HNF4G: variants seen among roughly 807,000 people sequenced by gnomAD.
HNF4G encodes hepatocyte nuclear factor 4 gamma, also known as hepatocyte nuclear factor 4-gamma.
Under a neutral mutation model 50.9 loss-of-function variants are expected in HNF4G, and 21 were observed. The observed-to-expected ratio is 0.41, with a 90% CI of 0.29 to 0.59. The LOEUF is 0.59. Ranked by LOEUF, HNF4G falls within the 20% of genes least tolerant of loss-of-function variation. The pLI, the probability that HNF4G is intolerant of heterozygous loss-of-function variation, is 0.26. For synonymous variants in HNF4G, 198 were observed against 185.6 expected, an observed-to-expected ratio of 1.07 and a Z score of -0.54; for missense variants, 527 against 559.4, an observed-to-expected ratio of 0.94 and a Z score of 0.58.
intron 1 of HNF4G, among the ~76,000 whole-genome samples, chr8:75,412,668 G>A (rs993009670): frequency 6.6e-6 from 1 of 151,902 alleles, no homozygotes; most frequent in African/African-American, 2.4e-5. Context: ...GCACTGTCTT[G>A]TGCTTTGCTT....
intron 1 of HNF4G, among the ~76,000 whole-genome samples, chr8:75,482,498 C>T (rs1434533420): frequency 6.6e-6 from 1 of 152,108 alleles, no homozygotes; most frequent in Non-Finnish European, 1.5e-5. Context: ...TCCCGAGTAG[C>T]TGGGACTACA....
At chr8:75,518,019 G>T (rs1053974291) in intron 2 of HNF4G, among the ~76,000 whole-genome samples, 1 of 151,298 alleles carries the variant, frequency 6.6e-6, no homozygotes. Context: ...TTAAGTTTTA[G>T]GGTACATGTG....
rs1807204385 is a variant in HNF4G at position 75,558,606 on chromosome 8, T to G, written c.822T>G (p.Phe274Leu). 6.2e-7 allele frequency: 1 copy of G among 1,613,934 alleles called. No individual in the cohort carries two copies. The highest frequency in any genetic ancestry group is 1.7e-5 in the Admixed American group (1 of 60,000). ...TTCTAGATGAGCTGGTTAGACCATT[T>G]CAAGAAATCCAGATTGATGACAATG... ...NRVLDELVRP[F>L]QEIQIDDNEY... Residue 274 changes from phenylalanine to leucine, a missense_variant, in exon 7 of 10, where the codon TTT (phenylalanine) becomes TTG (leucine). By Grantham distance (22) the Phe-to-Leu change is conservative. Around this residue, in one of 5 missense-constraint regions of HNF4G, gnomAD observed 308 missense variants for 301.5 expected, o/e 1.02. Coordinates refer to ENST00000396423, the MANE Select transcript of HNF4G (RefSeq NM_004133.5).
chr8:75,478,632 G>A (rs1334629102), intron 1 of HNF4G, among the ~76,000 whole-genome samples: 1 of 152,154 alleles, frequency 6.6e-6, no homozygotes, highest in African/African-American at 2.4e-5. Flanking sequence ...TTTGTCAAGC[G>A]GTATGTATTC....
chr8:75,553,340 T>C, intron 5 of HNF4G, 143 bp downstream of exon 5: 1 of 670,274 alleles, frequency 1.5e-6, no homozygotes, highest in Non-Finnish European at 2.4e-6. Flanking sequence ...TTGGGTTTCC[T>C]TACCCATTCA....
intron 1 of HNF4G, among the ~76,000 whole-genome samples, chr8:75,437,376 G>C (rs1232666023): frequency 6.6e-6 from 1 of 152,144 alleles, no homozygotes; most frequent in Non-Finnish European, 1.5e-5. Flanking sequence ...ACAGGAACTG[G>C]CATACACTTT....
intron 1 of HNF4G, among the ~76,000 whole-genome samples, chr8:75,483,783 A>T (rs765142337): frequency 1.3e-5 from 2 of 152,196 alleles, no homozygotes; most frequent in African/African-American, 2.4e-5. Context: ...AAAATTTATT[A>T]TAATAACACT....
Position 75,564,145 on chromosome 8 carries a change from A to T in HNF4G, c.*49A>T, listed in dbSNP as rs1807397234. 6.3e-7 allele frequency: 1 copy of T among 1,596,622 alleles called. No individual in the cohort carries two copies. The highest frequency in any genetic ancestry group is 8.6e-7 in the Non-Finnish European group (1 of 1,168,362). The stretch of plus-strand genomic sequence containing the variant: ...ACTACATAAATGTGAAAAGTTGTTG[A>T]TCTTGAAATATCTCAGGATAGCACT... On this transcript the variant is annotated 3_prime_UTR_variant, in exon 10 of 10. Coordinates refer to ENST00000396423, the MANE Select transcript of HNF4G (RefSeq NM_004133.5).
At chr8:75,559,380 T>A (rs1254360534) in intron 8 of HNF4G, among the ~76,000 whole-genome samples, 1 of 152,002 alleles carries the variant, frequency 6.6e-6, no homozygotes, top group Non-Finnish European at 1.5e-5. Flanking sequence ...TTCAAGTGAT[T>A]CTCCTGCTTC....
At chr8:75,448,487 T>TAA (rs36100694) in intron 1 of HNF4G, among the ~76,000 whole-genome samples, 90 of 105,850 alleles carry the variant, frequency 8.5e-4, no homozygotes, top group Admixed American at 1.2e-3. Context: ...AAGACCTCTT[T>TAA]AAAAAAAAAA....
intron 1 of HNF4G, among the ~76,000 whole-genome samples, chr8:75,543,437 T>C (rs180955376): frequency 1.3e-5 from 2 of 152,318 alleles, no homozygotes; most frequent in East Asian, 1.9e-4. Flanking sequence ...TCTGATTAGA[T>C]TTCACAATGA....
In HNF4G at chr8:75,467,860, A is replaced by G. The variant is rs554644577; in HGVS notation, c.-143-22229A>G. On this transcript the variant is annotated intron_variant, in intron 1 of 10. Coordinates refer to the HNF4G transcript ENST00000354370. ...AGAATCCAGAGTCCTAATCTGGACC[A>G]TGGAAACTGAGTTGCTAGGACGGAC... Among the ~76,000 whole-genome samples, 5 of 152,240 alleles carry G rather than the reference A, an allele frequency of 3.3e-5. No individual in the cohort carries two copies. In the East Asian group the frequency reaches 9.7e-4, roughly 29 times the overall value.
At chr8:75,555,400 G>A (rs1028108312) in intron 5 of HNF4G, among the ~76,000 whole-genome samples, 1 of 152,166 alleles carries the variant, frequency 6.6e-6, no homozygotes, top group Non-Finnish European at 1.5e-5. Flanking sequence ...TACGAATGAA[G>A]CTCAGTTGAG....
chr8:75,528,651 A>T (rs1025242199), intron 2 of HNF4G, among the ~76,000 whole-genome samples: 1 of 152,186 alleles, frequency 6.6e-6, no homozygotes, highest in African/African-American at 2.4e-5. Flanking sequence ...GATGTCATAG[A>T]ATGAGTTCAG....
chr8:75,412,160 G>A (rs4320527), intron 1 of HNF4G, among the ~76,000 whole-genome samples: 95 of 152,334 alleles, frequency 6.2e-4, no homozygotes, highest in Admixed American at 4.8e-3. Context: ...CCTTGGAGAT[G>A]TATTGATGAA....
intron 1 of HNF4G, among the ~76,000 whole-genome samples, chr8:75,479,918 T>C (rs1345119758): frequency 6.6e-6 from 1 of 152,054 alleles, no homozygotes; most frequent in African/African-American, 2.4e-5. Context: ...TATACCATAT[T>C]ACCAAAAATA....
intron 1 of HNF4G, among the ~76,000 whole-genome samples, chr8:75,446,975 C>G (rs1239956919): frequency 6.9e-6 from 1 of 144,520 alleles, no homozygotes; most frequent in African/African-American, 2.7e-5. Flanking sequence ...CATCGCCAAG[C>G]CAATCCTAAG....
chr8:75,440,937 A>G (rs1008719941), intron 1 of HNF4G, among the ~76,000 whole-genome samples: 1 of 152,138 alleles, frequency 6.6e-6, no homozygotes, highest in Non-Finnish European at 1.5e-5. Flanking sequence ...GGCTCACTGC[A>G]GCCTCAACCT....
Position 75,502,078 on chromosome 8 carries a change from C to T in HNF4G, c.-24+11870C>T, listed in dbSNP as rs527377522. 4.0e-4 allele frequency among the ~76,000 whole-genome samples: 61 copies of T among 152,248 alleles called. 1 individual carries two copies. The highest frequency in any genetic ancestry group is 1.3e-3 in the African/African-American group (56 of 41,560). On this transcript the variant is annotated intron_variant, in intron 2 of 10. Transcript: ENST00000354370. ...CTGTTAGCCAGGATGGTCTTCATCT[C>T]CTGACCTTGTGATCCACCTGCCTCG...
Sources: gnomAD v4.1 joint callset for allele counts (sites outside exome capture counted in the v4.1 genomes callset) on GRCh38, gnomAD v4.1.1 for gene constraint, gnomAD v4.1.1 regional missense constraint, MANE v1.5 for transcripts, NCBI Gene and HGNC (gene_info 2026-07-23, HGNC 2026-07-21) for gene names.